Variants in TENM3 observed in about 807,000 individuals in gnomAD.
TENM3 encodes the protein teneurin-3.
In TENM3, 63 loss-of-function variants were observed where a neutral mutation model predicts 255.1. The observed-to-expected ratio is 0.25, with a 90% CI of 0.20 to 0.30. TENM3 has a LOEUF of 0.30. Ranked by LOEUF, TENM3 falls within the 10% of genes least tolerant of loss-of-function variation. TENM3 has a pLI of 1.00. For missense variants in TENM3, 2,929 were observed against 3,461.1 expected, an observed-to-expected ratio of 0.85 and a Z score of 3.86; for synonymous variants, 1,306 against 1,322.3, an observed-to-expected ratio of 0.99 and a Z score of 0.27.
chr4:182,100,448 A>AAAAT, the TENM3 span, among the ~76,000 whole-genome samples: 56 of 114,710 alleles, frequency 4.9e-4, no homozygotes, highest in South Asian at 2.2e-3. Context: ...TAAAAAAAAA[A>AAAAT]ATATATATAT....
At chr4:182,737,914 C>G (rs1406070891) in intron 17 of TENM3, among the ~76,000 whole-genome samples, 8 of 152,036 alleles carry the variant, frequency 5.3e-5, no homozygotes, top group Admixed American at 5.2e-4. Context: ...TTGTTTATTT[C>G]TGATAATAAT....
intron 1 of TENM3, among the ~76,000 whole-genome samples, chr4:182,249,930 T>A (rs1028541140): frequency 2.6e-5 from 4 of 151,684 alleles, no homozygotes; most frequent in Non-Finnish European, 5.9e-5. Flanking sequence ...GCCTGGCTAC[T>A]TTTTTTTAAG....
chr4:181,906,210 G>A, the TENM3 span: 1 of 233,908 alleles, frequency 4.3e-6, no homozygotes, highest in South Asian at 5.7e-5. Flanking sequence ...CAAAATGTCT[G>A]GATTCTCCAG....
intron 3 of TENM3, among the ~76,000 whole-genome samples, chr4:182,425,213 G>A (rs1771114288): frequency 6.6e-6 from 1 of 152,198 alleles, no homozygotes; most frequent in Admixed American, 6.5e-5. Flanking sequence ...AATAATTTGG[G>A]TGATTATGTT....
At chr4:182,279,401 G>T (rs1420403188) in intron 1 of TENM3, among the ~76,000 whole-genome samples, 2 of 152,018 alleles carry the variant, frequency 1.3e-5, no homozygotes, top group African/African-American at 4.8e-5. Flanking sequence ...GTCTGGAAAT[G>T]CAATGAAATG....
chr4:182,067,310 G>A, the TENM3 span, among the ~76,000 whole-genome samples: 19 of 152,238 alleles, frequency 1.2e-4, no homozygotes, highest in African/African-American at 4.3e-4. Context: ...GAGTGTTCAT[G>A]AAAGGACCTG....
intron 3 of TENM3, among the ~76,000 whole-genome samples, chr4:182,461,484 G>C (rs9637687): frequency 0.23 from 34,472 of 152,184 alleles, 5,028 homozygotes; most frequent in East Asian, 0.5. Flanking sequence ...ATGAATTTCA[G>C]ATCAAAAGGT....
chr4:182,457,575 T>TTTTTTG (rs34637407), intron 3 of TENM3, among the ~76,000 whole-genome samples: 1 of 149,556 alleles, frequency 6.7e-6, no homozygotes, highest in South Asian at 2.1e-4. Context: ...TTTTTTTTTT[T>TTTTTTG]GAGGATAGAC....
chr4:181,492,545 G>A, the TENM3 span, among the ~76,000 whole-genome samples: 4 of 152,138 alleles, frequency 2.6e-5, no homozygotes, highest in South Asian at 2.1e-4. Flanking sequence ...TTAACATAAC[G>A]GTGCTTCTTT....
At chr4:182,093,508 G>A in the TENM3 span, among the ~76,000 whole-genome samples, 4 of 152,280 alleles carry the variant, frequency 2.6e-5, no homozygotes, top group Admixed American at 6.5e-5. Context: ...AAAGAACTAC[G>A]TGATAGGAAC....
chr4:181,466,816 G>T, the TENM3 span, among the ~76,000 whole-genome samples: 1 of 151,914 alleles, frequency 6.6e-6, no homozygotes, highest in South Asian at 2.1e-4. Flanking sequence ...AAGTAAAATA[G>T]TCCCCTCATA....
the TENM3 span, among the ~76,000 whole-genome samples, chr4:181,827,296 AT>A: frequency 2.6e-4 from 40 of 152,262 alleles, 1 homozygote; most frequent in African/African-American, 9.6e-4. Flanking sequence ...ACTTTGTAAG[AT>A]TTTTCCCTCT....
the TENM3 span, among the ~76,000 whole-genome samples, chr4:181,614,126 T>C: frequency 6.6e-6 from 1 of 152,158 alleles, no homozygotes; most frequent in Admixed American, 6.5e-5. Context: ...TTTAAATTTC[T>C]AATATTATAA....
chr4:182,574,019 A>G (rs1744677653), intron 3 of TENM3, among the ~76,000 whole-genome samples: 1 of 152,130 alleles, frequency 6.6e-6, no homozygotes, highest in Admixed American at 6.5e-5. Flanking sequence ...AGTATTTTGT[A>G]TTTCATTTCA....
intron 1 of TENM3, among the ~76,000 whole-genome samples, chr4:182,320,813 A>G: frequency 6.6e-6 from 1 of 152,144 alleles, no homozygotes; most frequent in East Asian, 1.9e-4. Context: ...TTTACTTACA[A>G]AAACAGGTGG....
At chr4:181,743,688 G>A in the TENM3 span, among the ~76,000 whole-genome samples, 1 of 152,116 alleles carries the variant, frequency 6.6e-6, no homozygotes, top group South Asian at 2.1e-4. Flanking sequence ...CAGAAAAGGG[G>A]GGGCCACACA....
At chr4:181,634,606 T>C in the TENM3 span, among the ~76,000 whole-genome samples, 1 of 152,186 alleles carries the variant, frequency 6.6e-6, no homozygotes, top group African/African-American at 2.4e-5. Context: ...TAAGTCTCTC[T>C]TGTAGGAAAT....
chr4:182,639,595 T>TAA (rs1752122320), intron 5 of TENM3, among the ~76,000 whole-genome samples: 1 of 152,206 alleles, frequency 6.6e-6, no homozygotes, highest in South Asian at 2.1e-4. Context: ...CTTTTCCCAC[T>TAA]ATATCACAGA....
the TENM3 span, among the ~76,000 whole-genome samples, chr4:181,968,869 C>T: frequency 7.9e-5 from 12 of 152,052 alleles, no homozygotes; most frequent in African/African-American, 2.9e-4. Flanking sequence ...TCATTACATA[C>T]ACACATATAT....
Sources: allele counts gnomAD v4.1 joint callset (sites outside exome capture counted in the v4.1 genomes callset), GRCh38; gene constraint gnomAD v4.1.1; transcripts MANE v1.5; gene names NCBI Gene and HGNC (gene_info 2026-07-23, HGNC 2026-07-21).